MAGI2: variants seen among roughly 807,000 people sequenced by gnomAD.
The protein encoded by MAGI2 is membrane associated guanylate kinase, WW and PDZ domain containing 2.
A neutral mutation model predicts 133.3 loss-of-function variants in MAGI2; 35 were observed. That is an observed-to-expected ratio of 0.26 (90% CI 0.20 to 0.35). The LOEUF (loss-of-function observed/expected upper bound fraction) is 0.35. MAGI2 is among the 10% of genes least tolerant of loss of function. The probability of loss-of-function intolerance (pLI) is 1.00; values close to 1 mark genes in which losing one functional copy is unlikely to be tolerated. For synonymous variants in MAGI2, 729 were observed against 710.6 expected (o/e 1.03, Z -0.41); for missense variants, 1,636 against 1,863.4 (o/e 0.88, Z 2.25).
chr7:78,381,160 A>T (rs1794886990), intron 6 of MAGI2, among the ~76,000 whole-genome samples: 1 of 152,206 alleles, frequency 6.6e-6, no homozygotes, highest in South Asian at 2.1e-4. Flanking sequence ...CAGCCTGGCC[A>T]ACATGGCGAA....
intron 2 of MAGI2, among the ~76,000 whole-genome samples, chr7:78,881,242 G>T (rs546811453): frequency 6.6e-6 from 1 of 151,814 alleles, no homozygotes; most frequent in Non-Finnish European, 1.5e-5. Flanking sequence ...TCTATAGACC[G>T]CACCACCAAT....
intron 10 of MAGI2, among the ~76,000 whole-genome samples, chr7:78,216,447 T>C (rs1788278267): frequency 1.3e-5 from 2 of 152,240 alleles, no homozygotes; most frequent in South Asian, 2.1e-4. Flanking sequence ...CCCATGCTTG[T>C]AAGAACAAAG....
intron 2 of MAGI2, among the ~76,000 whole-genome samples, chr7:78,938,568 TG>T (rs1342986771): frequency 6.6e-6 from 1 of 151,772 alleles, no homozygotes; most frequent in Non-Finnish European, 1.5e-5. Context: ...AAAGGCTGAG[TG>T]GGGAAGGAAA....
intron 20 of MAGI2, among the ~76,000 whole-genome samples, chr7:78,108,622 TTCTC>T (rs879731462): frequency 3.7e-5 from 5 of 136,750 alleles, no homozygotes; most frequent in East Asian, 2.2e-4. Context: ...CTCTCTCTCA[TTCTC>T]TCTCTCTCTC....
At chr7:78,855,554 T>A (rs893834330) in intron 2 of MAGI2, among the ~76,000 whole-genome samples, 6 of 152,160 alleles carry the variant, frequency 3.9e-5, no homozygotes, top group Admixed American at 2.6e-4. Flanking sequence ...GGTTTCCAGC[T>A]TCATCCATGT....
At chr7:78,999,358 G>C (rs574769529) in intron 2 of MAGI2, among the ~76,000 whole-genome samples, 1 of 151,680 alleles carries the variant, frequency 6.6e-6, no homozygotes, top group Admixed American at 6.6e-5. Flanking sequence ...GTGTCCTGTG[G>C]TGTCAAATTG....
chr7:78,410,171 G>A (rs1797743214), intron 6 of MAGI2, among the ~76,000 whole-genome samples: 1 of 152,126 alleles, frequency 6.6e-6, no homozygotes, highest in Admixed American at 6.6e-5. Context: ...TAAAAGATTT[G>A]TTAAAATGTG....
intron 2 of MAGI2, among the ~76,000 whole-genome samples, chr7:78,780,290 C>G (rs1826293944): frequency 6.6e-6 from 1 of 152,192 alleles, no homozygotes; most frequent in African/African-American, 2.4e-5. Context: ...GCACAAATGT[C>G]TCTTTCAAGA....
intron 2 of MAGI2, among the ~76,000 whole-genome samples, chr7:78,850,188 T>C (rs508789): frequency 0.72 from 109,228 of 151,860 alleles, 39,599 homozygotes; most frequent in Middle Eastern, 0.8. Flanking sequence ...TTTTAGGTGC[T>C]GTTTTACAAA....
intron 21 of MAGI2, among the ~76,000 whole-genome samples, chr7:78,051,635 A>C (rs1348326099): frequency 6.6e-6 from 1 of 152,134 alleles, no homozygotes; most frequent in Non-Finnish European, 1.5e-5. Flanking sequence ...CCCAGGCTGG[A>C]GTGCAGTGGC....
chr7:78,549,940 T>C (rs12670237), intron 3 of MAGI2, among the ~76,000 whole-genome samples: 98,900 of 151,942 alleles, frequency 0.65, 32,448 homozygotes, highest in East Asian at 0.79. Context: ...CTCCTATCCT[T>C]GATAGTGTTA....
intron 20 of MAGI2, among the ~76,000 whole-genome samples, chr7:78,114,150 A>G (rs1819633029): frequency 6.6e-6 from 1 of 152,198 alleles, no homozygotes; most frequent in Non-Finnish European, 1.5e-5. Flanking sequence ...TTTCCTTACA[A>G]GGGAGGAAAA....
intron 1 of MAGI2, among the ~76,000 whole-genome samples, chr7:79,128,914 A>C (rs1364406956): frequency 6.6e-6 from 1 of 152,190 alleles, no homozygotes; most frequent in Non-Finnish European, 1.5e-5. Flanking sequence ...TCTGTCTCCC[A>C]GGCTGGAGTG....
At chr7:78,309,151 C>T (rs541339469) in intron 9 of MAGI2, among the ~76,000 whole-genome samples, 1 of 152,330 alleles carries the variant, frequency 6.6e-6, no homozygotes, top group Non-Finnish European at 1.5e-5. Context: ...TAACTTAAAA[C>T]AGAGCTACTA....
At chr7:79,141,260 T>C (rs1822102407) in intron 1 of MAGI2, among the ~76,000 whole-genome samples, 1 of 152,198 alleles carries the variant, frequency 6.6e-6, no homozygotes, top group Admixed American at 6.5e-5. Context: ...AATGATTTCT[T>C]TGTTCCAGAT....
chr7:78,950,034 T>C (rs774601206), intron 2 of MAGI2, among the ~76,000 whole-genome samples: 1 of 152,130 alleles, frequency 6.6e-6, no homozygotes, highest in African/African-American at 2.4e-5. Context: ...TCATCTGTAG[T>C]CTAAGACTCT....
intron 1 of MAGI2, among the ~76,000 whole-genome samples, chr7:79,174,061 G>A (rs1471547008): frequency 6.6e-6 from 1 of 151,684 alleles, no homozygotes; most frequent in Non-Finnish European, 1.5e-5. Context: ...ATAATACTGA[G>A]GATAAAAATT....
intron 4 of MAGI2, among the ~76,000 whole-genome samples, chr7:78,508,905 A>G (rs924835354): frequency 2.5e-5 from 3 of 121,560 alleles, no homozygotes; most frequent in African/African-American, 1.0e-4. Context: ...TTTTTTTTTG[A>G]GACGGGGTCT....
intron 20 of MAGI2, among the ~76,000 whole-genome samples, chr7:78,088,367 C>T (rs1332849309): frequency 1.3e-5 from 2 of 152,192 alleles, no homozygotes; most frequent in East Asian, 3.8e-4. Flanking sequence ...TTACATCTCT[C>T]TCTCAGACTG....
Sources: allele counts gnomAD v4.1 joint callset (sites outside exome capture counted in the v4.1 genomes callset), GRCh38; gene constraint gnomAD v4.1.1; transcripts MANE v1.5; gene names NCBI Gene and HGNC (gene_info 2026-07-23, HGNC 2026-07-21).